Variants in TNN observed in about 807,000 individuals in gnomAD.
The protein encoded by TNN is tenascin N, also known as tenascin-N.
In TNN, 122 loss-of-function variants were observed where a neutral mutation model predicts 134.4. The ratio of observed to expected loss-of-function variants is 0.91; its 90% confidence interval spans 0.78 to 1.06. TNN has a LOEUF of 1.06. TNN is among the 50% of genes least tolerant of loss of function. The pLI is 0.00. For synonymous variants in TNN, 710 were observed against 670.3 expected (o/e 1.06, Z -0.91); for missense variants, 1,739 against 1,699.4 (o/e 1.02, Z -0.41).
At chr1:175,143,491 C>A (rs1675986042) in intron 17 of TNN, among the ~76,000 whole-genome samples, 1 of 148,792 alleles carries the variant, frequency 6.7e-6, no homozygotes, top group Admixed American at 6.8e-5. Flanking sequence ...CAGAAGGGCT[C>A]TGGAAGTTCA....
At chr1:175,127,595 G>A (rs1411588900) in intron 13 of TNN, among the ~76,000 whole-genome samples, 1 of 152,236 alleles carries the variant, frequency 6.6e-6, no homozygotes, top group African/African-American at 2.4e-5. Flanking sequence ...GACTGGTTCA[G>A]AAGGAAGTTT....
chr1:175,084,825 T>C (rs1674286881), intron 5 of TNN, among the ~76,000 whole-genome samples: 1 of 152,134 alleles, frequency 6.6e-6, no homozygotes, highest in Non-Finnish European at 1.5e-5. Context: ...TACAGAGAAA[T>C]AACTTTTTTT....
intron 15 of TNN, among the ~76,000 whole-genome samples, chr1:175,134,007 C>T (rs1178358242): frequency 6.6e-6 from 1 of 152,154 alleles, no homozygotes; most frequent in Non-Finnish European, 1.5e-5. Context: ...AGTCACATGG[C>T]TCCAACTTAA....
intron 17 of TNN, among the ~76,000 whole-genome samples, chr1:175,142,906 G>T (rs1489112288): frequency 2.6e-5 from 4 of 152,158 alleles, no homozygotes; most frequent in African/African-American, 4.8e-5. Flanking sequence ...GTGAGCCACC[G>T]TGCCTGGCCC....
At chr1:175,120,908 C>G (rs1056615964) in intron 11 of TNN, among the ~76,000 whole-genome samples, 1 of 152,182 alleles carries the variant, frequency 6.6e-6, no homozygotes, top group Admixed American at 6.5e-5. Flanking sequence ...TCAAGCCATC[C>G]TCCCACCTTA....
At chr1:175,126,855 G>C (rs1675541167) in intron 12 of TNN, 100 bp from the exon 13 acceptor site, 1 of 1,320,810 alleles carries the variant, frequency 7.6e-7, no homozygotes, top group African/African-American at 1.5e-5. Flanking sequence ...GAGGAGAAAT[G>C]GGAGGGTTTG....
At chr1:175,130,565 G>A (rs555630425) in intron 15 of TNN, among the ~76,000 whole-genome samples, 179 of 152,118 alleles carry the variant, frequency 1.2e-3, no homozygotes, top group Non-Finnish European at 1.7e-3. Context: ...TTGGCAGGAC[G>A]TTTGTATTGT....
chr1:175,072,927 T>C (rs919959707), intron 1 of TNN, among the ~76,000 whole-genome samples: 5 of 39,678 alleles, frequency 1.3e-4, no homozygotes, highest in African/African-American at 5.9e-4. Flanking sequence ...AGTCCACGGC[T>C]TTTTTTTTTT....
intron 1 of TNN, among the ~76,000 whole-genome samples, chr1:175,072,383 C>T (rs1044407404): frequency 6.6e-6 from 1 of 152,192 alleles, no homozygotes; most frequent in African/African-American, 2.4e-5. Flanking sequence ...AAATGCCCTT[C>T]GCTTCATGCA....
At chr1:175,129,057 G>A (rs1295952270) in intron 15 of TNN, among the ~76,000 whole-genome samples, 1 of 152,170 alleles carries the variant, frequency 6.6e-6, no homozygotes, top group East Asian at 1.9e-4. Flanking sequence ...CATAGACAGA[G>A]TAGGGCGTTT....
At chr1:175,092,155 C>T (rs543385417) in intron 6 of TNN, among the ~76,000 whole-genome samples, 1 of 152,298 alleles carries the variant, frequency 6.6e-6, no homozygotes, top group South Asian at 2.1e-4. Flanking sequence ...CTAATTTCCC[C>T]AGATTGAGAT....
At position 175,079,295 on chromosome 1, in the gene TNN, C is replaced by G. The variant is rs780624641; in HGVS notation, c.410-38C>G. On this transcript the variant is annotated intron_variant, in intron 2 of 18. Transcript: ENST00000239462. Reference sequence around the variant, plus strand: ...GAGGAAGGAGATCCCCACGCACAACCCTTCAACCCAACCTACTGTTTCTCC... The same window carrying G: ...GAGGAAGGAGATCCCCACGCACAACGCTTCAACCCAACCTACTGTTTCTCC... The G allele has an allele frequency of 1.2e-5, 18 of 1,548,052 alleles. No homozygotes were observed. The Admixed American group carries it at 3.1e-4, about 27-fold the overall frequency.
Position 175,098,365 on chromosome 1 carries a change from G to T in TNN, c.1889G>T (p.Arg630Leu), listed in dbSNP as rs150646718. Reference protein sequence around the residue: ...IDSPKNLVTDRVTENMATVSW... With the variant: ...IDSPKNLVTDLVTENMATVSW... ...AGCCCCAAAAACCTGGTGACTGACCGGGTGACAGAGAATATGGCCACGGTC... is the reference window on the plus strand; with the variant it reads ...AGCCCCAAAAACCTGGTGACTGACCTGGTGACAGAGAATATGGCCACGGTC... The change falls in exon 9 of 19, where the codon CGG (arginine) becomes CTG (leucine). Residue 630 changes from arginine (R) to leucine (L), a missense_variant. Arg to Leu is a moderately radical substitution (Grantham distance 102). Transcript: ENST00000239462. 1 of 1,614,180 alleles carries T rather than the reference G, an allele frequency of 6.2e-7. No homozygotes were observed. The highest frequency in any genetic ancestry group is 8.5e-7 in the Non-Finnish European group (1 of 1,180,034).
intron 9 of TNN, among the ~76,000 whole-genome samples, chr1:175,109,656 A>G (rs529680602): frequency 3.8e-4 from 57 of 149,004 alleles, no homozygotes; most frequent in African/African-American, 1.1e-3. Context: ...TTGTGTATGT[A>G]TATGTGTATA....
At chr1:175,082,736 G>A (rs1219001061) in intron 4 of TNN, among the ~76,000 whole-genome samples, 4 of 152,164 alleles carry the variant, frequency 2.6e-5, no homozygotes, top group African/African-American at 9.7e-5. Flanking sequence ...TGGTCAGTAG[G>A]CCTGGGTGGA....
chr1:175,140,851 C>T (rs1013831590), intron 17 of TNN, among the ~76,000 whole-genome samples: 1 of 152,164 alleles, frequency 6.6e-6, no homozygotes, highest in Non-Finnish European at 1.5e-5. Flanking sequence ...CTGATTTGTC[C>T]ATGAGGAGGG....
In TNN at chr1:175,084,886, A is replaced by G. The variant is rs150249761; in HGVS notation, c.1235-519A>G. Among the ~76,000 whole-genome samples the G allele has an allele frequency of 6.3e-3, 953 of 152,310 alleles. 12 individuals are homozygous for G. Among genetic ancestry groups the G allele is most frequent in the African/African-American group, 0.022 (907 of 41,576 alleles). ...TCATGCCTGTGGTCCCAGCTACTTA[A>G]GAGGCTGAGGCGGGAGGATCCCTTG... On this transcript the variant is annotated intron_variant, in intron 5 of 18. Coordinates refer to ENST00000239462, the MANE Select transcript of TNN (RefSeq NM_022093.2).
chr1:175,077,573 AG>A lies in TNN; in HGVS notation c.156del (p.Lys52AsnfsTer61). 3.7e-6 allele frequency: 6 copies of A among 1,614,254 alleles called. No homozygotes were observed. The highest frequency in any genetic ancestry group is 5.1e-6 in the Non-Finnish European group (6 of 1,180,052). On this transcript the variant is annotated frameshift_variant, in exon 2 of 19. Transcript: ENST00000239462. LOFTEE classifies it high-confidence loss of function. Reference protein sequence around the residue: ...VSHTYKIDVPKSALVQVDADP... With the variant: ...VSHTYKIDVPXSALVQVDADP... ...CACACCTACAAGATCGATGTGCCCA[AG>A]TCTGCCTTGGTTCAGGTTGACGCTG...
At chr1:175,122,699 T>C (rs1272007874) in intron 11 of TNN, among the ~76,000 whole-genome samples, 1 of 152,204 alleles carries the variant, frequency 6.6e-6, no homozygotes, top group Non-Finnish European at 1.5e-5. Flanking sequence ...ACAGGATTGA[T>C]TGGAGAGTGA....
Sources: gnomAD v4.1 joint callset for allele counts (sites outside exome capture counted in the v4.1 genomes callset) on GRCh38, gnomAD v4.1.1 for gene constraint, MANE v1.5 for transcripts, NCBI Gene and HGNC (gene_info 2026-07-23, HGNC 2026-07-21) for gene names.